Variants in KCTD1 observed in about 807,000 individuals in gnomAD.
The protein encoded by KCTD1 is potassium channel tetramerization domain containing 1.
A neutral mutation model predicts 66.0 loss-of-function variants in KCTD1; 24 were observed. The observed-to-expected ratio is 0.36, with a 90% CI of 0.26 to 0.51. KCTD1 has a LOEUF of 0.51. Among genes scored for constraint, KCTD1 ranks in the 20% least tolerant of loss-of-function variants. The probability of loss-of-function intolerance (pLI) is 0.95; values close to 1 mark genes in which losing one functional copy is unlikely to be tolerated. For synonymous variants in KCTD1, 511 were observed against 517.2 expected, an observed-to-expected ratio of 0.99 and a Z score of 0.16; for missense variants, 943 against 1,205.2, an observed-to-expected ratio of 0.78 and a Z score of 3.22.
intron 1 of KCTD1, among the ~76,000 whole-genome samples, chr18:26,558,370 T>A (rs975309778): frequency 2.0e-5 from 3 of 152,210 alleles, no homozygotes. Context: ...TGTAAATTAG[T>A]ACAACCACTA....
At chr18:26,629,583 C>T (rs188503501), upstream of KCTD1, among the ~76,000 whole-genome samples, 6 of 152,162 alleles carry the variant, frequency 3.9e-5, no homozygotes, top group Admixed American at 3.3e-4. Flanking sequence ...GGCAATGGAC[C>T]CTGCGAAAGG....
chr18:26,549,825 G>C (rs952596847), upstream of KCTD1: 12 of 984,950 alleles, frequency 1.2e-5, no homozygotes, highest in Non-Finnish European at 1.2e-5. Context: ...CAGCCAAAGA[G>C]CTCGCCGGGT....
intron 1 of KCTD1, among the ~76,000 whole-genome samples, chr18:26,636,396 T>C (rs990477368): frequency 1.3e-5 from 2 of 152,274 alleles, no homozygotes; most frequent in South Asian, 2.1e-4. Context: ...GCTGGGACCC[T>C]GTGCCTCTCA....
At chr18:26,618,120 G>A (rs889786161) in intron 1 of KCTD1, among the ~76,000 whole-genome samples, 8 of 151,440 alleles carry the variant, frequency 5.3e-5, no homozygotes, top group Middle Eastern at 3.2e-3. Flanking sequence ...AAAAGACTCT[G>A]GCACTCAAAG....
In KCTD1 at chr18:26,547,335, A is replaced by C. The variant is rs1756946669; in HGVS notation, c.1202T>G (p.Leu401Arg). ...GGGCCGCTGGAAGAACGCCTTGCAG[A>C]GAGGGTTGCGTTTCGACAGGTACTT... ...FVKYLSKRNP[L>R]CKAFFQRPRD... The change falls in exon 1 of 5, where the codon CTC becomes CGC. Residue 401 changes from leucine to arginine, a missense_variant. Leu to Arg is a moderately radical substitution (Grantham distance 102). Transcript: ENST00000580059. 1.9e-6 allele frequency: 3 copies of C among 1,551,390 alleles called. No homozygotes were observed. The highest frequency in any genetic ancestry group is 1.4e-5 in the African/African-American group (1 of 73,014).
At chr18:26,613,132 C>G (rs1423857491) in intron 1 of KCTD1, among the ~76,000 whole-genome samples, 1 of 152,128 alleles carries the variant, frequency 6.6e-6, no homozygotes, top group Non-Finnish European at 1.5e-5. Flanking sequence ...CGTATCTGAG[C>G]TAAACAGTGT....
intron 1 of KCTD1, among the ~76,000 whole-genome samples, chr18:26,605,981 G>A (rs1402689927): frequency 6.6e-6 from 1 of 152,266 alleles, no homozygotes; most frequent in African/African-American, 2.4e-5. Flanking sequence ...CTTGCTTTTA[G>A]GGAGACATCA....
upstream of KCTD1, chr18:26,548,589 G>C (rs946838163): frequency 1.7e-6 from 2 of 1,197,138 alleles, no homozygotes; most frequent in Non-Finnish European, 2.1e-6. Flanking sequence ...ATATTGGACC[G>C]CAGCGCTGAG....
At chr18:26,503,526 A>G (rs1231887604) in intron 1 of KCTD1, among the ~76,000 whole-genome samples, 1 of 151,628 alleles carries the variant, frequency 6.6e-6, no homozygotes, top group African/African-American at 2.4e-5. Flanking sequence ...GCACACACAC[A>G]CCTCCCTCCC....
chr18:26,495,968 C>A (rs1051454702), intron 2 of KCTD1, among the ~76,000 whole-genome samples: 1 of 152,114 alleles, frequency 6.6e-6, no homozygotes, highest in African/African-American at 2.4e-5. Context: ...ACTTTGAAAT[C>A]AGACGTGTTT....
intron 1 of KCTD1, among the ~76,000 whole-genome samples, chr18:26,521,383 A>C (rs1241699510): frequency 6.6e-6 from 1 of 152,238 alleles, no homozygotes; most frequent in Non-Finnish European, 1.5e-5. Flanking sequence ...GCAAAAGCTC[A>C]AAATCTCTCA....
chr18:26,490,457 A>G (rs1218721250), intron 2 of KCTD1, among the ~76,000 whole-genome samples: 1 of 152,206 alleles, frequency 6.6e-6, no homozygotes, highest in Non-Finnish European at 1.5e-5. Flanking sequence ...CAGGATAGCG[A>G]GACTAGAAAA....
chr18:26,616,799 T>G (rs1321386322), intron 1 of KCTD1, among the ~76,000 whole-genome samples: 2 of 152,166 alleles, frequency 1.3e-5, no homozygotes, highest in African/African-American at 2.4e-5. Flanking sequence ...ATTACAAGCA[T>G]GAGCCATGGC....
upstream of KCTD1, among the ~76,000 whole-genome samples, chr18:26,644,709 G>A (rs368670818): frequency 1.3e-5 from 2 of 151,318 alleles, no homozygotes; most frequent in East Asian, 3.9e-4. Context: ...CGTGAGCTGA[G>A]ATTGCACCAT....
intron 1 of KCTD1, among the ~76,000 whole-genome samples, chr18:26,617,112 G>A (rs990519997): frequency 1.3e-5 from 2 of 152,200 alleles, no homozygotes; most frequent in Admixed American, 6.5e-5. Context: ...GAATTGCTGG[G>A]TATGTCTTGC....
intron 1 of KCTD1, chr18:26,600,213 CAA>C (rs923746996): frequency 2.1e-4 from 336 of 1,600,912 alleles, no homozygotes; most frequent in Non-Finnish European, 2.6e-4. Context: ...GCTCCCAGCC[CAA>C]GTCGGCTTGT....
chr18:26,511,032 T>C (rs1173433529), intron 1 of KCTD1, among the ~76,000 whole-genome samples: 1 of 152,176 alleles, frequency 6.6e-6, no homozygotes, highest in Admixed American at 6.5e-5. Context: ...CTATACAGAG[T>C]TGAATATTTA....
intron 1 of KCTD1, among the ~76,000 whole-genome samples, chr18:26,577,113 T>C (rs1182908225): frequency 1.3e-5 from 2 of 152,194 alleles, no homozygotes; most frequent in East Asian, 3.8e-4. Flanking sequence ...TAACCTTATA[T>C]AAAATACTAA....
At chr18:26,604,891 A>G (rs1048288413) in intron 1 of KCTD1, among the ~76,000 whole-genome samples, 1 of 152,172 alleles carries the variant, frequency 6.6e-6, no homozygotes, top group Non-Finnish European at 1.5e-5. Context: ...AACCTAAAAT[A>G]AAAGTTAAAA....
Sources: gnomAD v4.1 joint callset for allele counts (sites outside exome capture counted in the v4.1 genomes callset) on GRCh38, gnomAD v4.1.1 for gene constraint, MANE v1.5 for transcripts, NCBI Gene and HGNC (gene_info 2026-07-23, HGNC 2026-07-21) for gene names.